TMEM132C: variants seen among roughly 807,000 people sequenced by gnomAD.
The protein encoded by TMEM132C is protein phosphatase 1, regulatory subunit 152.
In TMEM132C, 29 loss-of-function variants were observed where a neutral mutation model predicts 61.4. That is an observed-to-expected ratio of 0.47 (90% CI 0.35 to 0.64). The LOEUF is 0.64. Ranked by LOEUF, TMEM132C falls within the 30% of genes least tolerant of loss-of-function variation. The pLI, the probability that TMEM132C is intolerant of heterozygous loss-of-function variation, is 0.00. For synonymous variants in TMEM132C, 656 were observed against 633.1 expected (o/e 1.04, Z -0.54); for missense variants, 1,408 against 1,476.9 (o/e 0.95, Z 0.76).
intron 5 of TMEM132C, among the ~76,000 whole-genome samples, chr12:128,682,427 A>G (rs1566013790): frequency 2.0e-5 from 3 of 152,154 alleles, no homozygotes; most frequent in Non-Finnish European, 4.4e-5. Context: ...CATCCAAGCA[A>G]TGGTTCCCGA....
Position 128,695,885 on chromosome 12 carries a change from G to T in TMEM132C, c.1711G>T (p.Ala571Ser). 2 of 1,550,872 alleles carry T rather than the reference G, an allele frequency of 1.3e-6. No homozygotes were observed. Among genetic ancestry groups the T allele is most frequent in the Non-Finnish European group, 1.7e-6 (2 of 1,146,864 alleles). The change falls in exon 7 of 9, where the codon GCA (alanine) becomes TCA (serine). Residue 571 changes from alanine (A) to serine (S), a missense_variant. Coordinates refer to ENST00000435159, the MANE Select transcript of TMEM132C (RefSeq NM_001136103.3). Reference protein sequence around the residue: ...DEEERRGRGCALQYQHATVRV... With the variant: ...DEEERRGRGCSLQYQHATVRV... ...GGAGGAGCGGCGGGGCCGGGGCTGC[G>T]CACTGCAATACCAGCACGCCACCGT... is the stretch of plus-strand genomic sequence containing the variant.
intron 5 of TMEM132C, among the ~76,000 whole-genome samples, chr12:128,688,862 C>T (rs1425367856): frequency 6.6e-6 from 1 of 152,214 alleles, no homozygotes; most frequent in African/African-American, 2.4e-5. Flanking sequence ...GGTGCGATCT[C>T]AGCTCACTGT....
chr12:128,451,086 T>TA (rs1280703770), intron 2 of TMEM132C, among the ~76,000 whole-genome samples: 10 of 152,278 alleles, frequency 6.6e-5, no homozygotes, highest in African/African-American at 1.4e-4. Flanking sequence ...AGCCAGAGAG[T>TA]AAAAGCCCCA....
At chr12:128,559,349 G>T (rs1349056022) in intron 3 of TMEM132C, among the ~76,000 whole-genome samples, 2 of 152,010 alleles carry the variant, frequency 1.3e-5, no homozygotes, top group Non-Finnish European at 2.9e-5. Flanking sequence ...ACCCCCATAT[G>T]AACTGACATT....
intron 1 of TMEM132C, among the ~76,000 whole-genome samples, chr12:128,347,688 A>G (rs184030355): frequency 1.0e-3 from 158 of 152,328 alleles, no homozygotes; most frequent in African/African-American, 3.5e-3. Context: ...TTGGTCTCCA[A>G]AAGTGCTGGG....
At chr12:128,505,435 G>T (rs1872323542) in intron 2 of TMEM132C, among the ~76,000 whole-genome samples, 1 of 152,116 alleles carries the variant, frequency 6.6e-6, no homozygotes, top group Non-Finnish European at 1.5e-5. Context: ...AGACAGTTCT[G>T]CCAAGATTGC....
chr12:128,427,372 T>C (rs1869221486), intron 2 of TMEM132C, among the ~76,000 whole-genome samples: 1 of 148,216 alleles, frequency 6.7e-6, no homozygotes, highest in South Asian at 2.2e-4. Context: ...TCCTTTTAGT[T>C]TCTACTTCCA....
chr12:128,409,014 G>A (rs879711915), intron 1 of TMEM132C, among the ~76,000 whole-genome samples: 8 of 152,114 alleles, frequency 5.3e-5, no homozygotes, highest in Non-Finnish European at 7.3e-5. Context: ...AGCAACTCCC[G>A]TCTCCTCTCT....
chr12:128,600,271 C>T (rs551368654), intron 3 of TMEM132C, among the ~76,000 whole-genome samples: 8 of 152,206 alleles, frequency 5.3e-5, no homozygotes, highest in South Asian at 2.1e-4. Context: ...TGTGAGCCAC[C>T]GCACCGGGCC....
chr12:128,334,730 G>A (rs972952214), intron 1 of TMEM132C, among the ~76,000 whole-genome samples: 5 of 151,890 alleles, frequency 3.3e-5, no homozygotes, highest in Non-Finnish European at 5.9e-5. Flanking sequence ...CGAGTAGCTG[G>A]GACTACAGGT....
At chr12:128,614,551 A>G (rs894482831) in intron 3 of TMEM132C, among the ~76,000 whole-genome samples, 2 of 152,234 alleles carry the variant, frequency 1.3e-5, no homozygotes, top group African/African-American at 4.8e-5. Flanking sequence ...GGACTCGGAA[A>G]CAGGAGATGC....
At chr12:128,291,916 C>G (rs1041552600) in intron 1 of TMEM132C, among the ~76,000 whole-genome samples, 2 of 152,140 alleles carry the variant, frequency 1.3e-5, no homozygotes, top group African/African-American at 4.8e-5. Context: ...TCTCAGGAAC[C>G]CCGGCTGACC....
chr12:128,697,307 C>A lies in TMEM132C; in HGVS notation c.2013C>A (p.Ala671=). The A allele has an allele frequency of 6.4e-7, 1 of 1,551,230 alleles. No homozygotes were observed. The highest frequency in any genetic ancestry group is 8.7e-7 in the Non-Finnish European group (1 of 1,146,572). Residue 671 remains alanine (A), a synonymous_variant, in exon 8 of 9, where the codon GCC becomes GCA. Coordinates refer to ENST00000435159, the MANE Select transcript of TMEM132C (RefSeq NM_001136103.3). ...ACAAAGTATCGGTGACAGACTTGGC[C>A]ATCCAGCTCGTGGCTGGGCTGTCTG... ...LDDKVSVTDL[A]IQLVAGLSVA...
At chr12:128,654,738 C>T (rs2135614463) in intron 4 of TMEM132C, among the ~76,000 whole-genome samples, 1 of 152,258 alleles carries the variant, frequency 6.6e-6, no homozygotes. Flanking sequence ...TGGTTTTAGA[C>T]ATGGATCTTA....
chr12:128,615,624 G>A (rs1275152792), intron 3 of TMEM132C, among the ~76,000 whole-genome samples: 2 of 152,148 alleles, frequency 1.3e-5, no homozygotes, highest in Non-Finnish European at 1.5e-5. Context: ...CCTGACAGGA[G>A]GTGGAGCTCA....
rs570971072 is a variant in TMEM132C at position 128,330,668 on chromosome 12, C to G, written c.85+63181C>G. Among the ~76,000 whole-genome samples the G allele has an allele frequency of 5.3e-5, 8 of 152,322 alleles. No individual in the cohort carries two copies. The South Asian group carries it at 1.7e-3, about 32-fold the overall frequency. On this transcript the variant is annotated intron_variant, in intron 1 of 8. Coordinates refer to ENST00000435159, the MANE Select transcript of TMEM132C (RefSeq NM_001136103.3). The stretch of plus-strand genomic sequence containing the variant: ...CATTTAGTCAGAATGCCTCTAAACT[C>G]TTTTCCCTTCATTTTGAAAATCATC...
At chr12:128,652,933 C>G (rs1348770661) in intron 4 of TMEM132C, among the ~76,000 whole-genome samples, 1 of 148,556 alleles carries the variant, frequency 6.7e-6, no homozygotes, top group African/African-American at 2.5e-5. Flanking sequence ...AGGTGTAAAC[C>G]CAAGAGAAAT....
intron 1 of TMEM132C, among the ~76,000 whole-genome samples, chr12:128,287,560 GAATT>G (rs1393994430): frequency 2.0e-5 from 3 of 151,346 alleles, no homozygotes; most frequent in African/African-American, 4.9e-5. Context: ...CAATTTTTCT[GAATT>G]AATTATTAGT....
intron 2 of TMEM132C, among the ~76,000 whole-genome samples, chr12:128,538,639 T>TAA: frequency 6.6e-6 from 1 of 152,240 alleles, no homozygotes; most frequent in Non-Finnish European, 1.5e-5. Flanking sequence ...TGCTCCCTTT[T>TAA]ACTGCTTCTC....
Sources: allele counts gnomAD v4.1 joint callset (sites outside exome capture counted in the v4.1 genomes callset), GRCh38; gene constraint gnomAD v4.1.1; transcripts MANE v1.5; gene names NCBI Gene and HGNC (gene_info 2026-07-23, HGNC 2026-07-21).